CCDC12: variants seen among roughly 807,000 people sequenced by gnomAD.
CCDC12 encodes the protein coiled-coil domain-containing protein 12.
In CCDC12, 28 loss-of-function variants were observed where a neutral mutation model predicts 25.7. The ratio of observed to expected loss-of-function variants is 1.09; its 90% CI spans 0.81 to 1.50. The LOEUF is 1.50. CCDC12 is among the 40% of genes most tolerant of loss of function. The probability of loss-of-function intolerance (pLI) is 0.00; values close to 1 mark genes in which losing one functional copy is unlikely to be tolerated. For synonymous variants in CCDC12, 75 were observed against 87.7 expected (o/e 0.86, Z 0.81); for missense variants, 198 against 210.0 (o/e 0.94, Z 0.35).
intron 2 of CCDC12, among the ~76,000 whole-genome samples, chr3:46,927,476 T>G (rs2033012508): frequency 1.3e-5 from 2 of 152,068 alleles, no homozygotes; most frequent in African/African-American, 2.4e-5. Context: ...TACCCAGAAC[T>G]CACAGCAGCA....
upstream of CCDC12, chr3:46,976,753 C>CT (rs142757219): frequency 1.3e-6 from 2 of 1,592,820 alleles, no homozygotes; most frequent in African/African-American, 1.3e-5. Flanking sequence ...TACGCCCCTC[C>CT]TTTTCTCCCG....
At chr3:46,922,662 C>G (rs2032737060) in intron 5 of CCDC12, 1 of 368,004 alleles carries the variant, frequency 2.7e-6, no homozygotes, top group Non-Finnish European at 5.0e-6. Flanking sequence ...TGCTCCTCCT[C>G]CAGCCACCGG....
At chr3:46,964,985 T>C (rs1459375029) in intron 1 of CCDC12, among the ~76,000 whole-genome samples, 2 of 151,374 alleles carry the variant, frequency 1.3e-5, no homozygotes, top group African/African-American at 4.9e-5. Context: ...TAAAATAAAA[T>C]AATTAAAATC....
rs772621774 is a variant in CCDC12 at position 46,922,060 on chromosome 3, G to C, written c.498C>G (p.Asp166Glu). ...GAGTGGTGGGGCAGGGCATGCCTCA[G>C]TCGGAGTCACAGGTCTTTTGTTCGG... ...AATEQKTCDS[D>E] Residue 166 changes from aspartate to glutamate, a missense_variant, in exon 7 of 7, where the codon GAC becomes GAG. By Grantham distance (45) the Asp-to-Glu change is conservative. Coordinates refer to ENST00000683445, the MANE Select transcript of CCDC12 (RefSeq NM_001277074.2). 1 of 1,613,948 alleles carries C rather than the reference G, an allele frequency of 6.2e-7. No homozygotes were observed. Among genetic ancestry groups the C allele is most frequent in the Admixed American group, 1.7e-5 (1 of 60,036 alleles).
At chr3:46,951,689 A>G (rs770748277) in intron 1 of CCDC12, among the ~76,000 whole-genome samples, 1 of 145,910 alleles carries the variant, frequency 6.9e-6, no homozygotes, top group Non-Finnish European at 1.5e-5. Context: ...CTGAGGCAGG[A>G]GAATGGCGTG....
In CCDC12 at chr3:46,951,351, G is replaced by A. The variant is rs527763366; in HGVS notation, c.97-10286C>T. Among the ~76,000 whole-genome samples, 42 of 152,024 alleles carry A rather than the reference G, an allele frequency of 2.8e-4. No individual in the cohort carries two copies. The East Asian group carries it at 4.5e-3, about 16-fold the overall frequency. The stretch of plus-strand genomic sequence containing the variant: ...ATAATAATGTATATTCAAAATTGCT[G>A]AGCCTAGATTTTAAAGTCTCACCAC... On this transcript the variant is annotated intron_variant, in intron 1 of 6. Coordinates refer to ENST00000683445, the MANE Select transcript of CCDC12 (RefSeq NM_001277074.2).
intron 3 of CCDC12, among the ~76,000 whole-genome samples, chr3:46,924,760 G>C (rs1305209197): frequency 6.6e-6 from 1 of 152,176 alleles, no homozygotes; most frequent in African/African-American, 2.4e-5. Flanking sequence ...AGGTTACAGT[G>C]AGCTGAGATT....
intron 1 of CCDC12, among the ~76,000 whole-genome samples, chr3:46,942,012 C>T (rs541332164): frequency 6.6e-6 from 1 of 152,316 alleles, no homozygotes; most frequent in African/African-American, 2.4e-5. Flanking sequence ...TTTGACTTCC[C>T]ACCAACTGCA....
chr3:46,947,195 C>T (rs1241632194), intron 1 of CCDC12, among the ~76,000 whole-genome samples: 1 of 152,232 alleles, frequency 6.6e-6, no homozygotes, highest in East Asian at 1.9e-4. Context: ...AGAGGCCAAA[C>T]TGGCCCCACT....
At chr3:46,959,085 T>C (rs1352703779) in intron 1 of CCDC12, among the ~76,000 whole-genome samples, 2 of 152,202 alleles carry the variant, frequency 1.3e-5, no homozygotes, top group Admixed American at 6.5e-5. Context: ...TGGTGTGATC[T>C]ACAAGTGATA....
chr3:46,979,790 A>C, upstream of CCDC12: 1 of 379,270 alleles, frequency 2.6e-6, no homozygotes. Flanking sequence ...GGCCTGGCCG[A>C]GGGCAACCGG....
intron 1 of CCDC12, 111 bp from the exon 2 acceptor site, chr3:46,941,176 GC>G: frequency 3.1e-6 from 3 of 982,910 alleles, no homozygotes; most frequent in South Asian, 2.6e-5. Context: ...ACCTGGCAGG[GC>G]CCAGCTTGGT....
At chr3:46,938,231 A>G (rs1034388389) in intron 2 of CCDC12, among the ~76,000 whole-genome samples, 1 of 152,210 alleles carries the variant, frequency 6.6e-6, no homozygotes, top group Non-Finnish European at 1.5e-5. Context: ...TGCCCAGCTC[A>G]GTGGGCTCAG....
chr3:46,928,813 A>T (rs909883409), intron 2 of CCDC12, among the ~76,000 whole-genome samples: 1 of 152,200 alleles, frequency 6.6e-6, no homozygotes, highest in South Asian at 2.1e-4. Context: ...GGAAACATGG[A>T]ATTGCAGGGA....
intron 1 of CCDC12, among the ~76,000 whole-genome samples, chr3:46,954,659 TCACGCCTGGTAATCCCAG>T (rs145101316): frequency 0.036 from 5,487 of 152,264 alleles, 307 homozygotes; most frequent in African/African-American, 0.12. Flanking sequence ...GCACGGTGGC[TCACGCCTGGTAATCCCAG>T]CACTCTGGGA....
At chr3:46,963,392 TC>T (rs2034520144) in intron 1 of CCDC12, among the ~76,000 whole-genome samples, 1 of 2,238 alleles carries the variant, frequency 4.5e-4, no homozygotes, top group Non-Finnish European at 2.9e-3. Flanking sequence ...ATTAGCCCTC[TC>T]CCTCTCCCTC....
chr3:46,976,959 A>C, upstream of CCDC12: 1 of 280,762 alleles, frequency 3.6e-6, no homozygotes, highest in South Asian at 5.1e-5. Context: ...GGAGCCAGCA[A>C]AAAAAAAAAA....
Position 46,950,691 on chromosome 3 carries a change from CTA to C in CCDC12, c.97-9628_97-9627del, listed in dbSNP as rs60137496. ...TTCTGAAAGTGCTACATTTTTTTGG[CTA>C]AGTCTCTGTATATGCTAAACTTAAT... On this transcript the variant is annotated intron_variant, in intron 1 of 6. Transcript: ENST00000683445. Among the ~76,000 whole-genome samples the C allele has an allele frequency of 2.1e-3, 323 of 152,120 alleles. 3 individuals are homozygous for C. Among genetic ancestry groups the C allele is most frequent in the African/African-American group, 7.5e-3 (310 of 41,502 alleles).
intron 5 of CCDC12, chr3:46,922,894 C>A: frequency 5.7e-6 from 1 of 176,530 alleles, no homozygotes; most frequent in Non-Finnish European, 1.2e-5. Flanking sequence ...CTCTCCCACT[C>A]TCTCTCAGCC....
Sources: allele counts gnomAD v4.1 joint callset (sites outside exome capture counted in the v4.1 genomes callset), GRCh38; gene constraint gnomAD v4.1.1; transcripts MANE v1.5; gene names NCBI Gene and HGNC (gene_info 2026-07-23, HGNC 2026-07-21).